The following TEK variants were observed in gnomAD, a reference collection of about 807,000 sequenced individuals.
The protein encoded by TEK is TEK receptor tyrosine kinase.
In TEK, 43 loss-of-function variants were observed where a neutral mutation model predicts 131.8. That is an observed-to-expected ratio of 0.33 (90% CI 0.26 to 0.42). The LOEUF is 0.42. Ranked by LOEUF, TEK falls within the 10% of genes least tolerant of loss-of-function variation. The pLI, the probability that TEK is intolerant of heterozygous loss-of-function variation, is 1.00. For synonymous variants in TEK, 580 were observed against 491.6 expected, an observed-to-expected ratio of 1.18 and a Z score of -2.38; for missense variants, 1,162 against 1,384.4, an observed-to-expected ratio of 0.84 and a Z score of 2.55.
intron 1 of TEK, among the ~76,000 whole-genome samples, chr9:27,146,611 G>C (rs1822926407): frequency 6.6e-6 from 1 of 151,960 alleles, no homozygotes; most frequent in South Asian, 2.1e-4. Flanking sequence ...TTTCATTGTT[G>C]AGTAGCATGG....
At chr9:27,208,708 A>C (rs540017500) in intron 15 of TEK, among the ~76,000 whole-genome samples, 1 of 152,322 alleles carries the variant, frequency 6.6e-6, no homozygotes, top group African/African-American at 2.4e-5. Context: ...TAGCTGGAAG[A>C]GCTAAAATCT....
intron 6 of TEK, among the ~76,000 whole-genome samples, chr9:27,177,322 T>A (rs1006501904): frequency 6.6e-5 from 10 of 152,210 alleles, no homozygotes; most frequent in African/African-American, 2.4e-4. Flanking sequence ...CATACAAGGG[T>A]TCCCTATTAT....
At chr9:27,180,516 A>G in intron 7 of TEK, 148 bp downstream of exon 7, 1 of 1,211,346 alleles carries the variant, frequency 8.3e-7, no homozygotes. Context: ...TAAATCCTAA[A>G]GCACAGCATT....
At chr9:27,110,621 A>C (rs1205842110) in intron 1 of TEK, among the ~76,000 whole-genome samples, 1 of 152,208 alleles carries the variant, frequency 6.6e-6, no homozygotes, top group African/African-American at 2.4e-5. Context: ...GGGCATATTA[A>C]TATAATTTGA....
chr9:27,204,962 C>G lies in TEK; in HGVS notation c.2261C>G (p.Ser754Cys), dbSNP rs746826748. 4.3e-6 allele frequency: 7 copies of G among 1,614,086 alleles called. No individual in the cohort carries two copies. The South Asian group carries it at 7.7e-5, about 18-fold the overall frequency. Reference protein sequence around the residue: ...GKMLLIAILGSAGMTCLTVLL... With the variant: ...GKMLLIAILGCAGMTCLTVLL... ...ATGCTGCTTATAGCCATCCTTGGCT[C>G]TGCTGGAATGACCTGCCTGACTGTG... The change falls in exon 14 of 23, where the codon TCT (serine) becomes TGT (cysteine). Residue 754 changes from serine (S) to cysteine (C), a missense_variant. Ser to Cys is a moderately radical substitution (Grantham distance 112, BLOSUM62 -1). This residue lies in a region of TEK where 477 missense variants were observed against 471.0 expected (regional missense o/e 1.01). Transcript: ENST00000380036.
At chr9:27,119,084 A>G (rs1587476445) in intron 1 of TEK, among the ~76,000 whole-genome samples, 2 of 152,164 alleles carry the variant, frequency 1.3e-5, no homozygotes, top group African/African-American at 4.8e-5. Context: ...TATTTGTTTA[A>G]GCTATTTTGA....
At chr9:27,159,513 TA>T (rs1823466935) in intron 2 of TEK, among the ~76,000 whole-genome samples, 1 of 152,160 alleles carries the variant, frequency 6.6e-6, no homozygotes, top group African/African-American at 2.4e-5. Context: ...GATTTAATTT[TA>T]GCAGTCGAGT....
chr9:27,185,606 A>G lies in TEK; in HGVS notation c.1304A>G (p.Lys435Arg). Residue 435 changes from lysine (K) to arginine (R), a missense_variant, in exon 9 of 23, where the codon AAG becomes AGG. Physicochemically the swap from Lys to Arg is conservative, Grantham distance 26 (BLOSUM62 2). Coordinates refer to ENST00000380036, the MANE Select transcript of TEK (RefSeq NM_000459.5). ...AACACAGTGGCTGGGATGGTGGAAA[A>G]GCCCTTCAACATTTCTGTTAAAGGT... ...SVNTVAGMVEKPFNISVKVLP... is the reference protein window; with the variant it reads ...SVNTVAGMVERPFNISVKVLP... 1 of 1,613,752 alleles carries G rather than the reference A, an allele frequency of 6.2e-7. No homozygotes were observed. The highest frequency in any genetic ancestry group is 8.5e-7 in the Non-Finnish European group (1 of 1,179,754).
chr9:27,122,272 T>A (rs1038154635), intron 1 of TEK, among the ~76,000 whole-genome samples: 1 of 151,964 alleles, frequency 6.6e-6, no homozygotes, highest in Non-Finnish European at 1.5e-5. Flanking sequence ...TAAAGGCAGA[T>A]GGAAACATGG....
intron 11 of TEK, among the ~76,000 whole-genome samples, chr9:27,196,499 C>G (rs1361708632): frequency 1.3e-5 from 2 of 152,148 alleles, no homozygotes; most frequent in African/African-American, 4.8e-5. Flanking sequence ...GTCATTGACT[C>G]CACCCTTGTA....
At chr9:27,114,958 G>T (rs1821492525) in intron 1 of TEK, among the ~76,000 whole-genome samples, 1 of 152,088 alleles carries the variant, frequency 6.6e-6, no homozygotes, top group African/African-American at 2.4e-5. Flanking sequence ...CTTATTGAGG[G>T]TTTCCTTTGA....
chr9:27,128,973 C>G (rs1003933050), intron 1 of TEK, among the ~76,000 whole-genome samples: 13 of 152,284 alleles, frequency 8.5e-5, no homozygotes, highest in Admixed American at 8.5e-4. Flanking sequence ...TTGTTTCTTT[C>G]TCTTGCCTGA....
At chr9:27,178,637 GCTTT>G (rs1295997327) in intron 6 of TEK, among the ~76,000 whole-genome samples, 2 of 152,110 alleles carry the variant, frequency 1.3e-5, no homozygotes, top group Non-Finnish European at 2.9e-5. Context: ...CAAAAGACAA[GCTTT>G]TGCATTAATT....
chr9:27,219,991 C>T (rs748329974), intron 20 of TEK, 58 bp from the exon 21 acceptor site: 3 of 1,559,506 alleles, frequency 1.9e-6, no homozygotes, highest in East Asian at 4.5e-5. Flanking sequence ...AAACCCTGGA[C>T]AGGAAGCATT....
intron 1 of TEK, among the ~76,000 whole-genome samples, chr9:27,121,370 T>A (rs942200462): frequency 2.0e-5 from 3 of 151,892 alleles, no homozygotes; most frequent in Non-Finnish European, 4.4e-5. Context: ...GTATTAAATG[T>A]TCTGAGTTAG....
At chr9:27,143,137 G>A (rs1050563618) in intron 1 of TEK, among the ~76,000 whole-genome samples, 3 of 152,208 alleles carry the variant, frequency 2.0e-5, no homozygotes, top group African/African-American at 7.2e-5. Context: ...CAGGAAGCAT[G>A]GTGTTATCTG....
chr9:27,205,208 A>G, intron 14 of TEK, 143 bp downstream of exon 14: 3 of 1,063,974 alleles, frequency 2.8e-6, no homozygotes, highest in Admixed American at 4.4e-5. Context: ...GGCTTTCATT[A>G]TGAAATGGGA....
chr9:27,218,130 T>TTGAGGG (rs9298888), intron 19 of TEK, among the ~76,000 whole-genome samples: 3 of 139,514 alleles, frequency 2.2e-5, no homozygotes, highest in Admixed American at 7.2e-5. Flanking sequence ...GGCCAGACAG[T>TTGAGGG]GGCGGGGGTC....
chr9:27,153,050 A>G (rs1407783865), intron 1 of TEK, among the ~76,000 whole-genome samples: 1 of 152,186 alleles, frequency 6.6e-6, no homozygotes, highest in Non-Finnish European at 1.5e-5. Context: ...ATTTTAGAGG[A>G]TTGTTATGCT....
Sources: gnomAD v4.1 joint callset for allele counts (sites outside exome capture counted in the v4.1 genomes callset) on GRCh38, gnomAD v4.1.1 for gene constraint, gnomAD v4.1.1 regional missense constraint, MANE v1.5 for transcripts, NCBI Gene and HGNC (gene_info 2026-07-23, HGNC 2026-07-21) for gene names.